UGT2B11: variants seen among roughly 807,000 people sequenced by gnomAD.
The protein encoded by UGT2B11 is UDP glucuronosyltransferase family 2 member B11.
UGT2B11 carries 49 observed loss-of-function variants against 51.7 expected under a neutral mutation model. The ratio of observed to expected loss-of-function variants is 0.95; its 90% CI spans 0.75 to 1.20. The LOEUF (loss-of-function observed/expected upper bound fraction) is 1.20. UGT2B11 is among the 50% of genes most tolerant of loss of function. The pLI is 0.00. For missense variants in UGT2B11, 810 were observed against 622.1 expected (o/e 1.30, Z -3.21); for synonymous variants, 273 against 209.0 (o/e 1.31, Z -2.64).
upstream of UGT2B11, among the ~76,000 whole-genome samples, chr4:69,219,606 G>T (rs746963352): frequency 6.6e-6 from 1 of 152,066 alleles, no homozygotes; most frequent in Non-Finnish European, 1.5e-5. Flanking sequence ...GGGAGGCCTC[G>T]CAATGATGAG....
At chr4:69,215,638 A>G (rs1249330924), upstream of UGT2B11, 1 of 152,138 alleles carries the variant, frequency 6.6e-6, no homozygotes, top group Non-Finnish European at 1.5e-5. Context: ...GGATATGCCT[A>G]GAAAGGCAAT....
At chr4:69,205,728 T>A (rs1721829474) in intron 3 of UGT2B11, 161 bp from the exon 4 acceptor site, 1 of 829,688 alleles carries the variant, frequency 1.2e-6, no homozygotes, top group Admixed American at 3.5e-5. Flanking sequence ...TTCTTAACTT[T>A]TATAATGATT....
chr4:69,206,080 C>A (rs1464928561), intron 3 of UGT2B11, among the ~76,000 whole-genome samples: 1 of 151,384 alleles, frequency 6.6e-6, no homozygotes, highest in Non-Finnish European at 1.5e-5. Context: ...TCCTCAGAAA[C>A]CTAGAGGCAA....
intron 3 of UGT2B11, 93 bp downstream of exon 3, chr4:69,208,258 T>C (rs1329150261): frequency 6.3e-7 from 1 of 1,576,186 alleles, no homozygotes; most frequent in African/African-American, 1.4e-5. Context: ...ATGTAAAGAG[T>C]TCACTCTACT....
chr4:69,212,428 A>G (rs1176447070), intron 2 of UGT2B11, 145 bp downstream of exon 2: 1 of 1,383,814 alleles, frequency 7.2e-7, no homozygotes, highest in African/African-American at 1.5e-5. Context: ...TAACATATAC[A>G]TGAGTTTCTA....
chr4:69,218,872 G>A (rs1389113089), upstream of UGT2B11, among the ~76,000 whole-genome samples: 1 of 152,140 alleles, frequency 6.6e-6, no homozygotes, highest in African/African-American at 2.4e-5. Context: ...CTCCATCTCT[G>A]TGCAATTTCT....
At chr4:69,220,186 G>C in the UGT2B11 span, among the ~76,000 whole-genome samples, 1 of 152,220 alleles carries the variant, frequency 6.6e-6, no homozygotes, top group African/African-American at 2.4e-5. Context: ...TTGCCAAAAT[G>C]ATCTTCTTTG....
rs1169400462 is a variant in UGT2B11 at position 69,214,416 on chromosome 4, C to A, written c.307G>T (p.Asp103Tyr). The change falls in exon 1 of 6, where the codon GAT (aspartate) becomes TAT (tyrosine). Residue 103 changes from aspartate to tyrosine, a missense_variant. By Grantham distance (160) the Asp-to-Tyr change is radical. Coordinates refer to ENST00000446444, the MANE Select transcript of UGT2B11 (RefSeq NM_001073.3). The stretch of plus-strand genomic sequence containing the variant: ...TGTGAAAAATATAACCAAAAGCTAT[C>A]TTTTCGAATGTCTGACCATCTCTTA... ...QVKRWSDIRKDSFWLYFSQEQ... is the reference protein window; with the variant it reads ...QVKRWSDIRKYSFWLYFSQEQ... The A allele has an allele frequency of 6.2e-7, 1 of 1,613,070 alleles. No individual in the cohort carries two copies. The highest frequency in any genetic ancestry group is 1.7e-5 in the Admixed American group (1 of 59,870).
chr4:69,211,155 T>C (rs1336723847), intron 2 of UGT2B11: 1 of 151,604 alleles, frequency 6.6e-6, no homozygotes, highest in Non-Finnish European at 1.5e-5. Flanking sequence ...TAGGTATGTT[T>C]ATGCTCTAAA....
intron 5 of UGT2B11, chr4:69,201,426 T>C (rs1291323478): frequency 6.6e-6 from 1 of 151,888 alleles, no homozygotes; most frequent in East Asian, 2.0e-4. Context: ...TTTGGCTGGC[T>C]TCTCATTCTT....
intron 5 of UGT2B11, chr4:69,204,181 T>C: frequency 6.4e-6 from 2 of 311,162 alleles, no homozygotes; most frequent in Non-Finnish European, 1.1e-5. Context: ...ATTTTTTATA[T>C]TATCTATATC....
chr4:69,217,441 A>C (rs754595856), upstream of UGT2B11, among the ~76,000 whole-genome samples: 17 of 152,118 alleles, frequency 1.1e-4, no homozygotes, highest in Non-Finnish European at 1.8e-4. Context: ...AATATTTTTA[A>C]TGTCCTTGAG....
At chr4:69,210,325 A>G (rs1722014726) in intron 2 of UGT2B11, among the ~76,000 whole-genome samples, 1 of 151,620 alleles carries the variant, frequency 6.6e-6, no homozygotes, top group Non-Finnish European at 1.5e-5. Flanking sequence ...TCACGTGAAT[A>G]TATTATAAAA....
chr4:69,205,645 G>A (rs1246018420), intron 3 of UGT2B11, 78 bp from the exon 4 acceptor site: 3 of 1,478,852 alleles, frequency 2.0e-6, no homozygotes, highest in Middle Eastern at 2.4e-4. Context: ...AGAAAGCATA[G>A]GAATGAGATC....
chr4:69,220,369 A>G, the UGT2B11 span, among the ~76,000 whole-genome samples: 1 of 151,952 alleles, frequency 6.6e-6, no homozygotes, highest in African/African-American at 2.4e-5. Context: ...TTGTGGATGT[A>G]TCATACTGTG....
At chr4:69,219,306 A>G (rs1008861473), upstream of UGT2B11, among the ~76,000 whole-genome samples, 8 of 151,954 alleles carry the variant, frequency 5.3e-5, no homozygotes, top group African/African-American at 1.7e-4. Flanking sequence ...TGTATGTTTT[A>G]TTAATTTGTT....
At chr4:69,215,732 C>T (rs1329212271), upstream of UGT2B11, 10 of 151,928 alleles carry the variant, frequency 6.6e-5, no homozygotes, top group Non-Finnish European at 1.2e-4. Flanking sequence ...TTTCTATTCT[C>T]ACCAACAATG....
intron 5 of UGT2B11, among the ~76,000 whole-genome samples, chr4:69,202,404 T>C (rs1240094204): frequency 4.0e-5 from 6 of 151,730 alleles, no homozygotes; most frequent in Admixed American, 4.0e-4. Flanking sequence ...GATATTTTAG[T>C]AATAGTATTT....
intron 2 of UGT2B11, among the ~76,000 whole-genome samples, chr4:69,209,397 T>C (rs1250917681): frequency 1.3e-5 from 2 of 151,674 alleles, no homozygotes; most frequent in East Asian, 3.9e-4. Flanking sequence ...AGAGATCTTG[T>C]CTCTCTTTTG....
Sources: gnomAD v4.1 joint callset for allele counts (sites outside exome capture counted in the v4.1 genomes callset) on GRCh38, gnomAD v4.1.1 for gene constraint, MANE v1.5 for transcripts, NCBI Gene and HGNC (gene_info 2026-07-23, HGNC 2026-07-21) for gene names.